MALRD1: variants seen among roughly 807,000 people sequenced by gnomAD.
MALRD1 encodes the protein MAM and LDL receptor class A domain containing 1, also known as MAM and LDL-receptor class A domain-containing protein 1.
In MALRD1, 247 loss-of-function variants were observed where a neutral mutation model predicts 242.1. The observed-to-expected ratio is 1.02, with a 90% CI of 0.92 to 1.13. The LOEUF is 1.13. Among genes scored for constraint, MALRD1 ranks in the 50% most tolerant of loss-of-function variants. The probability of loss-of-function intolerance (pLI) is 0.00; values close to 1 mark genes in which losing one functional copy is unlikely to be tolerated. For synonymous variants in MALRD1, 995 were observed against 866.6 expected (o/e 1.15, Z -2.60); for missense variants, 2,989 against 2,533.1 (o/e 1.18, Z -3.86).
intron 36 of MALRD1, among the ~76,000 whole-genome samples, chr10:19,626,073 A>C (rs1018424308): frequency 6.6e-6 from 1 of 152,172 alleles, no homozygotes; most frequent in Non-Finnish European, 1.5e-5. Flanking sequence ...TAAGCTTAAG[A>C]GACCATGCAG....
At chr10:19,524,240 G>A (rs1833997949) in intron 31 of MALRD1, among the ~76,000 whole-genome samples, 1 of 152,122 alleles carries the variant, frequency 6.6e-6, no homozygotes, top group Admixed American at 6.5e-5. Flanking sequence ...ACTTTGGGAG[G>A]CCAAGGTGGT....
At chr10:19,074,756 T>G (rs1433823890) in intron 2 of MALRD1, among the ~76,000 whole-genome samples, 1 of 152,098 alleles carries the variant, frequency 6.6e-6, no homozygotes, top group Non-Finnish European at 1.5e-5. Flanking sequence ...CATCATTTGC[T>G]TTTCATTTGG....
intron 21 of MALRD1, among the ~76,000 whole-genome samples, chr10:19,297,184 T>A (rs1034947221): frequency 6.6e-6 from 1 of 151,354 alleles, no homozygotes; most frequent in Non-Finnish European, 1.5e-5. Context: ...GAGTTTTAAG[T>A]AAACAATAAA....
chr10:19,631,780 G>A (rs1291057598), intron 36 of MALRD1, among the ~76,000 whole-genome samples: 2 of 152,134 alleles, frequency 1.3e-5, no homozygotes, highest in African/African-American at 2.4e-5. Flanking sequence ...TTGCCTGCAT[G>A]TATGTCTTCT....
chr10:19,653,835 T>C (rs1041130108), intron 36 of MALRD1, among the ~76,000 whole-genome samples: 1 of 152,190 alleles, frequency 6.6e-6, no homozygotes, highest in African/African-American at 2.4e-5. Context: ...TATCAGGTCT[T>C]GTCTTTCTCC....
rs186614822 is a variant in MALRD1, at chr10:19,452,924, T to G, written c.5029+2434T>G. ...CTCAGGTAAGTTTCTTCATTTCGCT[T>G]TGCGTCGGTTTCCTCATCAATAAAA... On this transcript the variant is annotated intron_variant, in intron 29 of 39. Transcript: ENST00000454679. Among the ~76,000 whole-genome samples, 8 of 152,294 alleles carry G rather than the reference T, an allele frequency of 5.3e-5. No individual in the cohort carries two copies. In the East Asian group the frequency reaches 9.6e-4, roughly 18 times the overall value.
chr10:19,251,385 A>G (rs2131785524), intron 18 of MALRD1, among the ~76,000 whole-genome samples: 2 of 151,976 alleles, frequency 1.3e-5, no homozygotes, highest in South Asian at 4.2e-4. Context: ...TGGAGGGGAG[A>G]ATGGGCAGAC....
chr10:19,538,305 G>A (rs1179681978), intron 32 of MALRD1, among the ~76,000 whole-genome samples: 1 of 152,020 alleles, frequency 6.6e-6, no homozygotes, highest in Non-Finnish European at 1.5e-5. Flanking sequence ...TGTTCACATG[G>A]GCATCAATAT....
chr10:19,207,675 G>A (rs956090872), intron 17 of MALRD1, among the ~76,000 whole-genome samples: 1 of 151,990 alleles, frequency 6.6e-6, no homozygotes, highest in Non-Finnish European at 1.5e-5. Flanking sequence ...TAATTTGTTT[G>A]TATTTTTAGT....
intron 23 of MALRD1, among the ~76,000 whole-genome samples, chr10:19,328,917 T>TAGA (rs1843246413): frequency 6.6e-6 from 1 of 152,114 alleles, no homozygotes; most frequent in African/African-American, 2.4e-5. Context: ...CAAGAACATG[T>TAGA]AGAAGATTCT....
At chr10:19,604,355 C>A (rs1010356414) in intron 34 of MALRD1, among the ~76,000 whole-genome samples, 1 of 152,140 alleles carries the variant, frequency 6.6e-6, no homozygotes, top group African/African-American at 2.4e-5. Flanking sequence ...GACTTTCTGT[C>A]AAAATGGTGC....
intron 29 of MALRD1, among the ~76,000 whole-genome samples, chr10:19,460,927 T>G (rs1835907437): frequency 6.6e-6 from 1 of 152,180 alleles, no homozygotes; most frequent in Non-Finnish European, 1.5e-5. Flanking sequence ...GCAAGTACTC[T>G]TTGGTTTCAT....
chr10:19,679,194 C>A (rs1035116784), intron 36 of MALRD1, among the ~76,000 whole-genome samples: 2 of 152,238 alleles, frequency 1.3e-5, no homozygotes, highest in South Asian at 4.1e-4. Context: ...GGGAGGAGTC[C>A]TGCCTTGTTA....
intron 33 of MALRD1, among the ~76,000 whole-genome samples, chr10:19,569,820 T>A (rs990650882): frequency 6.8e-6 from 1 of 147,608 alleles, no homozygotes. Flanking sequence ...TTCTTATATA[T>A]ATTATTCCAT....
intron 29 of MALRD1, among the ~76,000 whole-genome samples, chr10:19,458,931 T>G (rs1835801141): frequency 6.6e-6 from 1 of 152,046 alleles, no homozygotes; most frequent in African/African-American, 2.4e-5. Context: ...TATAGTATTT[T>G]TTAAGATTTA....
At chr10:19,688,371 T>C (rs1842684737) in intron 36 of MALRD1, among the ~76,000 whole-genome samples, 1 of 152,162 alleles carries the variant, frequency 6.6e-6, no homozygotes, top group African/African-American at 2.4e-5. Flanking sequence ...TAAGCAGTTC[T>C]CTCACCTTAG....
intron 5 of MALRD1, among the ~76,000 whole-genome samples, chr10:19,119,853 C>T (rs1836999674): frequency 1.3e-5 from 2 of 152,136 alleles, no homozygotes; most frequent in African/African-American, 2.4e-5. Flanking sequence ...AGTCCAGTCT[C>T]CACCCAGGAA....
intron 31 of MALRD1, among the ~76,000 whole-genome samples, chr10:19,508,736 ACTT>A (rs944195495): frequency 6.6e-6 from 1 of 152,244 alleles, no homozygotes; most frequent in African/African-American, 2.4e-5. Context: ...AAACTTGTTT[ACTT>A]CTTAAAATGT....
At chr10:19,582,111 C>T (rs1201275724) in intron 33 of MALRD1, among the ~76,000 whole-genome samples, 14 of 151,878 alleles carry the variant, frequency 9.2e-5, no homozygotes, top group East Asian at 5.8e-4. Flanking sequence ...CATTGTAGAT[C>T]CTGGATATTA....
Sources: gnomAD v4.1 joint callset for allele counts (sites outside exome capture counted in the v4.1 genomes callset) on GRCh38, gnomAD v4.1.1 for gene constraint, MANE v1.5 for transcripts, NCBI Gene and HGNC (gene_info 2026-07-23, HGNC 2026-07-21) for gene names.